PLA2G5: variants seen among roughly 807,000 people sequenced by gnomAD.
PLA2G5 encodes the protein phospholipase A2 group V, also known as Ca2+-dependent phospholipase A2.
A neutral mutation model predicts 15.9 loss-of-function variants in PLA2G5; 12 were observed. The observed-to-expected ratio is 0.76, with a 90% CI of 0.48 to 1.23. The LOEUF (loss-of-function observed/expected upper bound fraction) is 1.23. PLA2G5 is among the 50% of genes most tolerant of loss of function. The pLI is 0.00. For synonymous variants in PLA2G5, 71 were observed against 71.4 expected, an observed-to-expected ratio of 0.99 and a Z score of 0.03; for missense variants, 169 against 177.1, an observed-to-expected ratio of 0.95 and a Z score of 0.26.
chr1:20,070,311 C>A lies in PLA2G5; in HGVS notation c.-165C>A. ...ATTCACAGCTTTAAGATTCTGGAGG[C>A]CAAGAATTTGACTCCCCCCGGATCC... is the stretch of plus-strand genomic sequence containing the variant. On this transcript the variant is annotated 5_prime_UTR_variant, in exon 1 of 5. Coordinates refer to ENST00000375108, the MANE Select transcript of PLA2G5 (RefSeq NM_000929.3). 1 of 985,442 alleles carries A rather than the reference C, an allele frequency of 1.0e-6. No homozygotes were observed. Among genetic ancestry groups the A allele is most frequent in the African/African-American group, 1.7e-5 (1 of 57,344 alleles). 61.0% of individuals were successfully genotyped at this position (985,442 alleles called of 1,614,324 possible). A position where few individuals can be genotyped will look rare whatever the true frequency, so the allele number is the denominator to read the frequency against.
intron 1 of PLA2G5, among the ~76,000 whole-genome samples, chr1:20,082,001 G>A (rs964826290): frequency 1.1e-4 from 17 of 151,716 alleles, no homozygotes; most frequent in Admixed American, 2.0e-4. Flanking sequence ...GCAGTGAGCC[G>A]AGATGGTGCC....
At chr1:20,083,681 C>A (rs2016144080) in intron 1 of PLA2G5, among the ~76,000 whole-genome samples, 1 of 151,780 alleles carries the variant, frequency 6.6e-6, no homozygotes, top group African/African-American at 2.4e-5. Context: ...AGAGGTAGAG[C>A]ATGAGAAGGA....
intron 3 of PLA2G5, among the ~76,000 whole-genome samples, chr1:20,086,643 C>G (rs961747818): frequency 6.6e-6 from 1 of 152,158 alleles, no homozygotes; most frequent in Non-Finnish European, 1.5e-5. Flanking sequence ...GTCACTTAGG[C>G]CTCTCCAAGG....
chr1:20,047,119 C>A (rs2013944155), intron 1 of PLA2G5, among the ~76,000 whole-genome samples: 1 of 152,084 alleles, frequency 6.6e-6, no homozygotes, highest in South Asian at 2.1e-4. Context: ...GCAGGGAAAT[C>A]CTCAACAACA....
intron 1 of PLA2G5, among the ~76,000 whole-genome samples, chr1:20,042,180 T>C (rs2013636194): frequency 1.3e-5 from 2 of 152,098 alleles, no homozygotes; most frequent in Admixed American, 6.5e-5. Context: ...TGAGAGGTAG[T>C]GGATGGGGAC....
chr1:20,033,085 C>G (rs530435629), intron 1 of PLA2G5, among the ~76,000 whole-genome samples: 18 of 152,164 alleles, frequency 1.2e-4, no homozygotes, highest in South Asian at 2.1e-4. Context: ...ATTGGTTAAC[C>G]CTTTCCTTTT....
chr1:20,077,489 C>T (rs563477290), intron 1 of PLA2G5, among the ~76,000 whole-genome samples: 15 of 152,306 alleles, frequency 9.8e-5, no homozygotes, highest in Admixed American at 8.5e-4. Flanking sequence ...TGAGCACCTA[C>T]TATGTGCCAA....
chr1:20,070,347 G>A lies in PLA2G5; in HGVS notation c.-129G>A. On this transcript the variant is annotated 5_prime_UTR_variant, in exon 1 of 5. Transcript: ENST00000375108. The stretch of plus-strand genomic sequence containing the variant: ...ACTCCCCCCGGATCCATGGTCTGTG[G>A]ATACCAATGTTCCGACTGGAGACGG... The A allele has an allele frequency of 1.0e-6, 1 of 985,526 alleles. No homozygotes were observed. Among genetic ancestry groups the A allele is most frequent in the Non-Finnish European group, 1.2e-6 (1 of 829,986 alleles). 61.0% of individuals were successfully genotyped at this position (985,526 alleles called of 1,614,324 possible).
intron 2 of PLA2G5, among the ~76,000 whole-genome samples, chr1:20,062,535 T>G (rs556305101): frequency 4.5e-4 from 69 of 152,314 alleles, no homozygotes; most frequent in African/African-American, 1.5e-3. Flanking sequence ...AGCTCATGCC[T>G]GTAATCCTAG....
intron 1 of PLA2G5, among the ~76,000 whole-genome samples, chr1:20,032,250 G>C (rs1484343263): frequency 6.6e-6 from 1 of 152,166 alleles, no homozygotes; most frequent in African/African-American, 2.4e-5. Context: ...TGGTTAACCT[G>C]TGAAACAAAT....
chr1:20,062,689 C>G (rs1217386226), intron 2 of PLA2G5, among the ~76,000 whole-genome samples: 1 of 151,964 alleles, frequency 6.6e-6, no homozygotes, highest in African/African-American at 2.4e-5. Context: ...AGGTGGCACA[C>G]TGCTGTCCTT....
At position 20,070,329 on chromosome 1, in the gene PLA2G5, C is replaced by T. The variant is rs2020885; in HGVS notation, c.-147C>T. 2,156 of 985,494 alleles carry T rather than the reference C, an allele frequency of 2.2e-3. 8 individuals carry two copies. The highest frequency in any genetic ancestry group is 0.012 in the South Asian group (266 of 21,288). 61.0% of individuals were successfully genotyped at this position (985,494 alleles called of 1,614,324 possible). ...CTGGAGGCCAAGAATTTGACTCCCC[C>T]CGGATCCATGGTCTGTGGATACCAA... On this transcript the variant is annotated 5_prime_UTR_variant, in exon 1 of 5. Coordinates refer to ENST00000375108, the MANE Select transcript of PLA2G5 (RefSeq NM_000929.3).
Position 20,070,543 on chromosome 1 carries a change from G to C in PLA2G5, c.-11+78G>C, listed in dbSNP as rs184330725. ...TGGGAGGGAGAGACTGGAGAAGGGGGTGTGTGGAGAGCCCAAGAGGAGGCC... is the reference window on the plus strand; with the variant it reads ...TGGGAGGGAGAGACTGGAGAAGGGGCTGTGTGGAGAGCCCAAGAGGAGGCC... On this transcript the variant is annotated intron_variant, in intron 1 of 4. Transcript: ENST00000375108. 1,516 of 899,066 alleles carry C rather than the reference G, an allele frequency of 1.7e-3. 20 individuals carry two copies. In the African/African-American group the frequency reaches 0.025, roughly 15 times the overall value. 55.7% of individuals were successfully genotyped at this position (899,066 alleles called of 1,614,324 possible).
At chr1:20,040,531 A>G (rs1400006806) in intron 1 of PLA2G5, among the ~76,000 whole-genome samples, 1 of 152,016 alleles carries the variant, frequency 6.6e-6, no homozygotes, top group Admixed American at 6.6e-5. Flanking sequence ...CTGGGAACTA[A>G]GAGTGCTCAT....
intron 1 of PLA2G5, among the ~76,000 whole-genome samples, chr1:20,079,878 A>G (rs1460751920): frequency 6.6e-6 from 1 of 152,198 alleles, no homozygotes; most frequent in African/African-American, 2.4e-5. Flanking sequence ...GGAAGTTAGC[A>G]CAGAGTCAGG....
intron 2 of PLA2G5, among the ~76,000 whole-genome samples, chr1:20,061,594 A>AG (rs1164687901): frequency 6.6e-6 from 1 of 151,068 alleles, no homozygotes; most frequent in East Asian, 1.9e-4. Flanking sequence ...TCCAAAAAAA[A>AG]AAAAAAAAAA....
At chr1:20,032,824 G>C (rs1260224672) in intron 1 of PLA2G5, among the ~76,000 whole-genome samples, 1 of 152,164 alleles carries the variant, frequency 6.6e-6, no homozygotes, top group Non-Finnish European at 1.5e-5. Context: ...AGTAATGATG[G>C]GGTTTTAAGG....
At chr1:20,080,967 C>T (rs1372782398) in intron 1 of PLA2G5, among the ~76,000 whole-genome samples, 1 of 151,914 alleles carries the variant, frequency 6.6e-6, no homozygotes, top group African/African-American at 2.4e-5. Context: ...GAGGGCTCAG[C>T]AGTGCCTTCC....
intron 1 of PLA2G5, among the ~76,000 whole-genome samples, chr1:20,056,154 G>T (rs2014421481): frequency 6.6e-6 from 1 of 152,096 alleles, no homozygotes; most frequent in Non-Finnish European, 1.5e-5. Context: ...TGAGCTGAAA[G>T]TACAAATGTT....
Sources: gnomAD v4.1 joint callset for allele counts (sites outside exome capture counted in the v4.1 genomes callset) on GRCh38, gnomAD v4.1.1 for gene constraint, MANE v1.5 for transcripts, NCBI Gene and HGNC (gene_info 2026-07-23, HGNC 2026-07-21) for gene names.